The following B4GALNT3 variants were observed in gnomAD, a reference collection of about 807,000 sequenced individuals.
B4GALNT3 encodes beta-1,4-N-acetyl-galactosaminyltransferase 3.
Under a neutral mutation model 120.2 loss-of-function variants are expected in B4GALNT3, and 86 were observed. That is an observed-to-expected ratio of 0.72 (90% CI 0.60 to 0.86). The LOEUF (loss-of-function observed/expected upper bound fraction) is 0.86, where lower values mean the gene tolerates loss of function less well. Among genes scored for constraint, B4GALNT3 ranks in the 40% least tolerant of loss-of-function variants. The pLI is 0.00. For missense variants in B4GALNT3, 1,167 were observed against 1,298.9 expected, an observed-to-expected ratio of 0.90 and a Z score of 1.56; for synonymous variants, 518 against 510.4, an observed-to-expected ratio of 1.01 and a Z score of -0.20.
chr12:548,639 G>A lies in B4GALNT3; in HGVS notation c.853+342G>A, dbSNP rs932197706. Among the ~76,000 whole-genome samples the A allele has an allele frequency of 1.6e-4, 24 of 152,186 alleles. No homozygotes were observed. The highest frequency in any genetic ancestry group is 3.4e-4 in the Non-Finnish European group (23 of 68,030). ...TCTAAAAACTCTGAGGCTGGGTGCG[G>A]TGGCTCATACCTGTAATCCCAGCAC... On this transcript the variant is annotated intron_variant, in intron 9 of 19. Coordinates refer to ENST00000266383, the MANE Select transcript of B4GALNT3 (RefSeq NM_173593.4). This position sits in a 1 kb window ranked among gnomAD's most constrained non-coding sequence, Gnocchi z 4.9.
chr12:473,270 A>T (rs1592010896), intron 1 of B4GALNT3, among the ~76,000 whole-genome samples: 1 of 152,262 alleles, frequency 6.6e-6, no homozygotes, highest in Non-Finnish European at 1.5e-5. Flanking sequence ...ACTGCCTTTA[A>T]ATACTTACCA....
intron 1 of B4GALNT3, among the ~76,000 whole-genome samples, chr12:504,145 C>A (rs1157224834): frequency 6.7e-6 from 1 of 149,104 alleles, no homozygotes; most frequent in African/African-American, 2.5e-5. Flanking sequence ...TAAAGTAACA[C>A]ATGCTCATTG....
chr12:464,738 C>T (rs982802980), intron 1 of B4GALNT3, among the ~76,000 whole-genome samples: 4 of 152,200 alleles, frequency 2.6e-5, no homozygotes, highest in Non-Finnish European at 5.9e-5. Context: ...TTTTAGATCT[C>T]CCATTTAAGT....
chr12:460,575 G>T lies in B4GALNT3; in HGVS notation c.169+30G>T. 7.4e-7 allele frequency: 1 copy of T among 1,353,424 alleles called. No individual in the cohort carries two copies. The allele number at this position is 1,353,424 out of a possible 1,614,324, so 83.8% of individuals were successfully genotyped here. Reference sequence around the variant, plus strand: ...GTAGCACCCAGGGGAGGCGAAGGGCGCGGGGGTGGGCGGCGGCGGCGGCTC... The same window carrying T: ...GTAGCACCCAGGGGAGGCGAAGGGCTCGGGGGTGGGCGGCGGCGGCGGCTC... On this transcript the variant is annotated intron_variant, in intron 1 of 19. Transcript: ENST00000266383. The surrounding 1 kb of genome is among the most constrained non-coding windows in gnomAD (Gnocchi z 8.0).
At chr12:476,733 C>T (rs1037273403) in intron 1 of B4GALNT3, among the ~76,000 whole-genome samples, 1 of 152,150 alleles carries the variant, frequency 6.6e-6, no homozygotes, top group African/African-American at 2.4e-5. Flanking sequence ...TTTTCAATAC[C>T]CTCTGTCCCT....
At chr12:520,690 C>T (rs553928895) in intron 1 of B4GALNT3, among the ~76,000 whole-genome samples, 128 of 71,222 alleles carry the variant, frequency 1.8e-3, no homozygotes, top group African/African-American at 7.3e-3. Context: ...GACAATTTTC[C>T]TGAGGCAGGA....
chr12:470,416 A>C (rs1284642966), intron 1 of B4GALNT3, among the ~76,000 whole-genome samples: 4 of 152,182 alleles, frequency 2.6e-5, no homozygotes, highest in African/African-American at 9.7e-5. Flanking sequence ...GCTCACGCAC[A>C]CCTCCCTCAC....
At chr12:490,914 G>A (rs1410103225) in intron 1 of B4GALNT3, among the ~76,000 whole-genome samples, 1 of 152,100 alleles carries the variant, frequency 6.6e-6, no homozygotes, top group Non-Finnish European at 1.5e-5. Context: ...AAAGCCCCAG[G>A]CCCAGATGGG....
chr12:560,932 G>A (rs189242616), intron 19 of B4GALNT3, among the ~76,000 whole-genome samples: 78 of 146,116 alleles, frequency 5.3e-4, no homozygotes, highest in African/African-American at 1.4e-3. Context: ...CGTCTATGAC[G>A]TGTGCCCTGG....
intron 1 of B4GALNT3, among the ~76,000 whole-genome samples, chr12:512,410 A>ACCTTCCC (rs754006232): frequency 1.2e-5 from 1 of 82,084 alleles, no homozygotes. Context: ...TTGACCTTCC[A>ACCTTCCC]CCTTCCGCCT....
chr12:532,986 G>C lies in B4GALNT3; in HGVS notation c.170-2180G>C, dbSNP rs139099410. 1.6e-4 allele frequency among the ~76,000 whole-genome samples: 25 copies of C among 152,328 alleles called. No homozygotes were observed. In the East Asian group the frequency reaches 4.1e-3, roughly 25 times the overall value. ...CCACTGATGGGGCAGGCAGCATTTC[G>C]TGGGTATTTCCCCACAAGCTTCTCT... On this transcript the variant is annotated intron_variant, in intron 1 of 19. Coordinates refer to ENST00000266383, the MANE Select transcript of B4GALNT3 (RefSeq NM_173593.4).
chr12:506,545 A>G (rs1946497890), intron 1 of B4GALNT3, among the ~76,000 whole-genome samples: 2 of 152,232 alleles, frequency 1.3e-5, no homozygotes, highest in Non-Finnish European at 1.5e-5. Context: ...AAAATTCAAT[A>G]TGCCTTCTAA....
chr12:552,603 A>C (rs1947098402), intron 13 of B4GALNT3, 75 bp downstream of exon 13: 6 of 1,451,168 alleles, frequency 4.1e-6, no homozygotes, highest in South Asian at 1.2e-5. Context: ...GGATGTTCAG[A>C]CCGTGCCAGC....
At chr12:516,668 T>C (rs1050694125) in intron 1 of B4GALNT3, among the ~76,000 whole-genome samples, 5 of 152,210 alleles carry the variant, frequency 3.3e-5, no homozygotes, top group African/African-American at 9.7e-5. Flanking sequence ...ACGTTACTCA[T>C]TGGCCATCAG....
rs146832789 is a variant in B4GALNT3, at chr12:558,082, C to T, written c.2601C>T (p.Leu867=). The change falls in exon 17 of 20, where the codon CTC becomes CTT. Residue 867 remains leucine (L), a synonymous_variant. Coordinates refer to ENST00000266383, the MANE Select transcript of B4GALNT3 (RefSeq NM_173593.4). Reference sequence around the variant, plus strand: ...CTGGACTTCAGGCTGGCATAGACCTCGTGAAGGTAAAGGGCCTGGATGGGG... The same window carrying T: ...CTGGACTTCAGGCTGGCATAGACCTTGTGAAGGTAAAGGGCCTGGATGGGG... ...RSAGLQAGID[L]VKDPHSIIFL... 1.2e-3 allele frequency: 1,876 copies of T among 1,613,776 alleles called. 12 individuals are homozygous for T. Among genetic ancestry groups the T allele is most frequent in the South Asian group, 7.5e-3 (687 of 91,074 alleles).
chr12:492,301 A>G (rs1298658351), intron 1 of B4GALNT3, among the ~76,000 whole-genome samples: 1 of 152,216 alleles, frequency 6.6e-6, no homozygotes. Context: ...ACAGATGTCA[A>G]TTGCTTTCTG....
intron 1 of B4GALNT3, among the ~76,000 whole-genome samples, chr12:495,639 C>G (rs757277073): frequency 1.3e-5 from 2 of 152,164 alleles, no homozygotes; most frequent in African/African-American, 4.8e-5. Context: ...GGACCAGACT[C>G]TAGCATGAGC....
intron 1 of B4GALNT3, among the ~76,000 whole-genome samples, chr12:486,688 A>C (rs1210307186): frequency 6.6e-6 from 1 of 152,194 alleles, no homozygotes; most frequent in African/African-American, 2.4e-5. Flanking sequence ...AGCTCATTGA[A>C]AGACTGAGAT....
intron 1 of B4GALNT3, among the ~76,000 whole-genome samples, chr12:465,164 T>C (rs946967386): frequency 1.3e-5 from 2 of 152,184 alleles, no homozygotes; most frequent in Non-Finnish European, 2.9e-5. Flanking sequence ...TGTGTGCCTC[T>C]CTGTCCCAGG....
Sources: allele counts gnomAD v4.1 joint callset (sites outside exome capture counted in the v4.1 genomes callset), GRCh38; gene constraint gnomAD v4.1.1; non-coding constraint Gnocchi (gnomAD v3.1); transcripts MANE v1.5; gene names NCBI Gene and HGNC (gene_info 2026-07-23, HGNC 2026-07-21).